DGCR2: variants seen among roughly 807,000 people sequenced by gnomAD.
DGCR2 encodes DiGeorge syndrome critical region gene 2.
DGCR2 carries 24 observed loss-of-function variants against 51.6 expected under a neutral mutation model. That is an observed-to-expected ratio of 0.47 (90% CI 0.34 to 0.65). The LOEUF is 0.65. Among genes scored for constraint, DGCR2 ranks in the 30% least tolerant of loss-of-function variants. DGCR2 has a pLI of 0.01. For missense variants in DGCR2, 765 were observed against 772.1 expected (o/e 0.99, Z 0.11); for synonymous variants, 340 against 315.4 (o/e 1.08, Z -0.82).
chr22:19,094,069 T>A (rs1165996194), intron 1 of DGCR2, among the ~76,000 whole-genome samples: 1 of 152,124 alleles, frequency 6.6e-6, no homozygotes, highest in Non-Finnish European at 1.5e-5. Context: ...AAGGAAGATA[T>A]ATACAGATGG....
intron 6 of DGCR2, 29 bp from the exon 7 acceptor site, chr22:19,048,672 G>A: frequency 6.2e-7 from 1 of 1,608,904 alleles, no homozygotes; most frequent in Non-Finnish European, 8.5e-7. Flanking sequence ...GTGTACAGAT[G>A]TATACAATGC....
intron 2 of DGCR2, among the ~76,000 whole-genome samples, chr22:19,086,308 T>G (rs965947761): frequency 6.6e-6 from 1 of 151,756 alleles, no homozygotes; most frequent in Non-Finnish European, 1.5e-5. Flanking sequence ...AAACCCTGTC[T>G]CTACTAAAAA....
intron 1 of DGCR2, among the ~76,000 whole-genome samples, chr22:19,105,763 T>C (rs2083255248): frequency 6.6e-6 from 1 of 152,178 alleles, no homozygotes; most frequent in Non-Finnish European, 1.5e-5. Flanking sequence ...AGGCAGGACC[T>C]GGCATTCCAA....
At chr22:19,086,256 T>TC (rs1352652010) in intron 2 of DGCR2, among the ~76,000 whole-genome samples, 1 of 151,900 alleles carries the variant, frequency 6.6e-6, no homozygotes, top group Non-Finnish European at 1.5e-5. Flanking sequence ...GGAGAGCGGA[T>TC]CACAAGGTCA....
At chr22:19,077,531 T>C (rs1275376432) in intron 2 of DGCR2, among the ~76,000 whole-genome samples, 1 of 152,238 alleles carries the variant, frequency 6.6e-6, no homozygotes, top group Non-Finnish European at 1.5e-5. Flanking sequence ...CTGTATTCTA[T>C]TCCATTGGTC....
At chr22:19,066,003 G>C (rs1353833818) in intron 3 of DGCR2, 1 of 152,232 alleles carries the variant, frequency 6.6e-6, no homozygotes, top group Non-Finnish European at 1.5e-5. Context: ...TACAGAAAAA[G>C]AGGGGCACCC....
chr22:19,072,487 C>T (rs1230174407), intron 2 of DGCR2, among the ~76,000 whole-genome samples: 1 of 152,156 alleles, frequency 6.6e-6, no homozygotes, highest in Non-Finnish European at 1.5e-5. Context: ...GAAACAAGTA[C>T]AGAGACAAAA....
At chr22:19,121,484 T>TC (rs1408336370) in intron 1 of DGCR2, 3 of 152,128 alleles carry the variant, frequency 2.0e-5, no homozygotes, top group Non-Finnish European at 4.4e-5. Flanking sequence ...CGGTTCTGAT[T>TC]CCCCACCACA....
chr22:19,042,069 G>A, intron 7 of DGCR2, 110 bp from the exon 8 acceptor site: 1 of 1,287,460 alleles, frequency 7.8e-7, no homozygotes, highest in Non-Finnish European at 1.1e-6. Flanking sequence ...AAGGCACACA[G>A]TGTCTCCCTG....
intron 5 of DGCR2, among the ~76,000 whole-genome samples, chr22:19,058,163 C>T (rs1601524611): frequency 6.6e-6 from 1 of 152,180 alleles, no homozygotes; most frequent in African/African-American, 2.4e-5. Flanking sequence ...TCAAAAAAGC[C>T]AGTGAGTCTG....
chr22:19,063,926 G>C (rs2082718000), intron 4 of DGCR2, among the ~76,000 whole-genome samples: 1 of 152,170 alleles, frequency 6.6e-6, no homozygotes, highest in South Asian at 2.1e-4. Context: ...TCTCAATAAA[G>C]ACATAAGTCC....
intron 1 of DGCR2, among the ~76,000 whole-genome samples, chr22:19,100,232 G>T (rs941132620): frequency 6.6e-6 from 1 of 152,000 alleles, no homozygotes; most frequent in African/African-American, 2.4e-5. Flanking sequence ...TCACGCTACT[G>T]CACTCCAGCC....
At chr22:19,068,075 C>G in intron 3 of DGCR2, 25 bp downstream of exon 3, 1 of 1,539,102 alleles carries the variant, frequency 6.5e-7, no homozygotes, top group Non-Finnish European at 8.7e-7. Context: ...CCCAGTGTCC[C>G]AGTCAGGGCA....
intron 6 of DGCR2, among the ~76,000 whole-genome samples, chr22:19,049,553 G>A (rs185698835): frequency 7.2e-5 from 11 of 152,260 alleles, no homozygotes; most frequent in East Asian, 1.9e-4. Flanking sequence ...TCAGCTGGGC[G>A]CGGTGGCTCA....
At chr22:19,095,387 C>T (rs890778970) in intron 1 of DGCR2, among the ~76,000 whole-genome samples, 1 of 151,150 alleles carries the variant, frequency 6.6e-6, no homozygotes, top group Non-Finnish European at 1.5e-5. Context: ...CTTGGCCAGG[C>T]GCGGTGGCTC....
chr22:19,105,913 T>G (rs1408596145), intron 1 of DGCR2, among the ~76,000 whole-genome samples: 1 of 151,992 alleles, frequency 6.6e-6, no homozygotes, highest in African/African-American at 2.4e-5. Flanking sequence ...ACATCCAGGT[T>G]CTTGGGGGTC....
intron 2 of DGCR2, among the ~76,000 whole-genome samples, chr22:19,085,876 T>G (rs2083009085): frequency 6.6e-6 from 1 of 152,122 alleles, no homozygotes; most frequent in Admixed American, 6.6e-5. Flanking sequence ...TTACTGAAAC[T>G]CTCCTCATAC....
intron 2 of DGCR2, among the ~76,000 whole-genome samples, chr22:19,076,327 AT>A (rs555128002): frequency 1.5e-4 from 22 of 147,832 alleles, no homozygotes; most frequent in Admixed American, 4.7e-4. Context: ...TACTCGGCTA[AT>A]TTTTTTTTAT....
In DGCR2 at chr22:19,122,297, G is replaced by C. The variant is rs1349771132; in HGVS notation, c.-91C>G. 19 of 1,149,408 alleles carry C rather than the reference G, an allele frequency of 1.7e-5. 1 individual carries two copies. Among genetic ancestry groups the C allele is most frequent in the Non-Finnish European group, 3.5e-6 (3 of 850,272 alleles). 71.2% of individuals were successfully genotyped at this position (1,149,408 alleles called of 1,614,324 possible). A position where few individuals can be genotyped will look rare whatever the true frequency, so the allele number is the denominator to read the frequency against. ...GACCGTGCCAAGCGGAGGGTCAGGC[G>C]GAGCTGAACCTGGGCGAGGCGCGGA... On this transcript the variant is annotated 5_prime_UTR_variant, in exon 1 of 10. Coordinates refer to ENST00000263196, the MANE Select transcript of DGCR2 (RefSeq NM_005137.3).
Sources: gnomAD v4.1 joint callset for allele counts (sites outside exome capture counted in the v4.1 genomes callset) on GRCh38, gnomAD v4.1.1 for gene constraint, MANE v1.5 for transcripts, NCBI Gene and HGNC (gene_info 2026-07-23, HGNC 2026-07-21) for gene names.